Variants in ERBB4 observed in about 807,000 individuals in gnomAD.
ERBB4 encodes the protein erb-b2 receptor tyrosine kinase 4, also known as receptor tyrosine-protein kinase erbB-4.
ERBB4 carries 42 observed loss-of-function variants against 158.0 expected under a neutral mutation model. The observed-to-expected ratio is 0.27, with a 90% CI of 0.21 to 0.34. The LOEUF is 0.34. Among genes scored for constraint, ERBB4 ranks in the 10% least tolerant of loss-of-function variants. The probability of loss-of-function intolerance (pLI) is 1.00; values close to 1 mark genes in which losing one functional copy is unlikely to be tolerated. For synonymous variants in ERBB4, 583 were observed against 558.7 expected, an observed-to-expected ratio of 1.04 and a Z score of -0.61; for missense variants, 1,333 against 1,624.1, an observed-to-expected ratio of 0.82 and a Z score of 3.08.
At chr2:212,276,963 T>G (rs2085561825) in intron 1 of ERBB4, among the ~76,000 whole-genome samples, 1 of 151,728 alleles carries the variant, frequency 6.6e-6, no homozygotes, top group South Asian at 2.1e-4. Context: ...ACCGGCAACC[T>G]TAGCATAATT....
At chr2:212,175,728 C>T (rs1194764070) in intron 1 of ERBB4, among the ~76,000 whole-genome samples, 1 of 151,258 alleles carries the variant, frequency 6.6e-6, no homozygotes, top group African/African-American at 2.4e-5. Flanking sequence ...AATATTTTAC[C>T]TCTCCAAGTA....
intron 3 of ERBB4, among the ~76,000 whole-genome samples, chr2:211,892,538 G>C (rs1343239991): frequency 7.1e-6 from 1 of 141,558 alleles, no homozygotes; most frequent in Admixed American, 6.9e-5. Context: ...ATTCAACATA[G>C]TGTTGGAAGT....
chr2:212,215,065 G>T (rs1298986233), intron 1 of ERBB4, among the ~76,000 whole-genome samples: 1 of 151,572 alleles, frequency 6.6e-6, no homozygotes, highest in Admixed American at 6.6e-5. Flanking sequence ...AAGGAATCAG[G>T]TTGTGATAAC....
chr2:211,438,940 CTATT>C (rs1265639179), intron 20 of ERBB4, among the ~76,000 whole-genome samples: 3 of 151,668 alleles, frequency 2.0e-5, no homozygotes, highest in Admixed American at 6.6e-5. Flanking sequence ...TTATTGTTTG[CTATT>C]TATTTGAAAT....
intron 3 of ERBB4, among the ~76,000 whole-genome samples, chr2:211,938,240 C>T (rs976907943): frequency 6.6e-6 from 1 of 152,082 alleles, no homozygotes; most frequent in Non-Finnish European, 1.5e-5. Flanking sequence ...CTTTTATAAT[C>T]ATCTTACAAC....
At chr2:212,158,979 T>C (rs1460670705) in intron 1 of ERBB4, among the ~76,000 whole-genome samples, 1 of 152,012 alleles carries the variant, frequency 6.6e-6, no homozygotes, top group Non-Finnish European at 1.5e-5. Flanking sequence ...TAAATAATAT[T>C]GATAATGTTC....
chr2:211,652,331 A>G (rs973875911), intron 16 of ERBB4, among the ~76,000 whole-genome samples: 1 of 152,226 alleles, frequency 6.6e-6, no homozygotes, highest in African/African-American at 2.4e-5. Flanking sequence ...TAAAGAACTT[A>G]GTGGACTGAG....
intron 1 of ERBB4, among the ~76,000 whole-genome samples, chr2:212,476,162 C>CAT: frequency 6.6e-6 from 1 of 151,834 alleles, no homozygotes; most frequent in Middle Eastern, 3.4e-3. Flanking sequence ...GTCACACACA[C>CAT]ACACACACAC....
chr2:211,627,598 T>C (rs192935075), intron 17 of ERBB4, among the ~76,000 whole-genome samples: 15 of 152,296 alleles, frequency 9.8e-5, no homozygotes, highest in African/African-American at 3.4e-4. Flanking sequence ...GTATGCAAAA[T>C]GTGTGAATGA....
intron 27 of ERBB4, among the ~76,000 whole-genome samples, chr2:211,386,223 TCTA>T (rs1486082838): frequency 6.6e-6 from 1 of 152,238 alleles, no homozygotes; most frequent in Non-Finnish European, 1.5e-5. Context: ...GCTTAACATT[TCTA>T]CTACTAACTT....
chr2:212,423,062 A>G (rs1183187385), intron 1 of ERBB4, among the ~76,000 whole-genome samples: 1 of 152,276 alleles, frequency 6.6e-6, no homozygotes, highest in East Asian at 1.9e-4. Context: ...GAGTAAGAGG[A>G]TAAACGATGA....
chr2:211,396,448 T>G (rs1319495198), intron 25 of ERBB4, among the ~76,000 whole-genome samples: 1 of 152,168 alleles, frequency 6.6e-6, no homozygotes, highest in Admixed American at 6.6e-5. Flanking sequence ...TTAGAGTTAT[T>G]TACTGGCAAA....
chr2:212,035,520 A>G (rs1186185311), intron 2 of ERBB4, among the ~76,000 whole-genome samples: 2 of 152,172 alleles, frequency 1.3e-5, no homozygotes, highest in Non-Finnish European at 2.9e-5. Context: ...GATGAGATAA[A>G]TCTTTGCGCT....
Position 212,516,596 on chromosome 2 carries a change from G to A in ERBB4, c.82+21853C>T, listed in dbSNP as rs1265227498. ...CATATATATTAGAAACAGAGCTAAC[G>A]TTAAAATGTATTTAACACAGTGAGA... On this transcript the variant is annotated intron_variant, in intron 1 of 27. Coordinates refer to ENST00000342788, the MANE Select transcript of ERBB4 (RefSeq NM_005235.3). 3.3e-5 allele frequency among the ~76,000 whole-genome samples: 5 copies of A among 152,196 alleles called. No homozygotes were observed. The South Asian group carries it at 6.2e-4, about 19-fold the overall frequency.
At chr2:212,276,181 T>C (rs1157601518) in intron 1 of ERBB4, among the ~76,000 whole-genome samples, 2 of 151,798 alleles carry the variant, frequency 1.3e-5, no homozygotes, top group East Asian at 1.9e-4. Flanking sequence ...TGCTTCTTTT[T>C]CATTTTTTGT....
chr2:212,250,475 TTCC>T (rs1201963443), intron 1 of ERBB4, among the ~76,000 whole-genome samples: 1 of 151,970 alleles, frequency 6.6e-6, no homozygotes, highest in African/African-American at 2.4e-5. Context: ...CCTTATTTGC[TTCC>T]TCATTTATAC....
intron 3 of ERBB4, among the ~76,000 whole-genome samples, chr2:211,925,970 T>C (rs73989229): frequency 0.04 from 6,007 of 152,040 alleles, 181 homozygotes; most frequent in African/African-American, 0.076. Context: ...TGAAATGCAG[T>C]AGTAAGAAAT....
intron 2 of ERBB4, among the ~76,000 whole-genome samples, chr2:211,993,196 A>C (rs937506120): frequency 7.9e-5 from 12 of 152,308 alleles, no homozygotes; most frequent in Non-Finnish European, 1.3e-4. Context: ...TTAAGGAGGT[A>C]ATTACGGTTA....
chr2:211,750,771 C>T, intron 4 of ERBB4, 67 bp from the exon 5 acceptor site: 4 of 1,312,748 alleles, frequency 3.0e-6, no homozygotes, highest in Non-Finnish European at 4.4e-6. Flanking sequence ...CTAGGAGTAA[C>T]TCCTCAAAGG....
Sources: gnomAD v4.1 joint callset for allele counts (sites outside exome capture counted in the v4.1 genomes callset) on GRCh38, gnomAD v4.1.1 for gene constraint, MANE v1.5 for transcripts, NCBI Gene and HGNC (gene_info 2026-07-23, HGNC 2026-07-21) for gene names.